The following SH3D19 variants were observed in gnomAD, a reference collection of about 807,000 sequenced individuals.
SH3D19 encodes SH3 domain-containing protein 19.
SH3D19 carries 58 observed loss-of-function variants against 112.1 expected under a neutral mutation model. The ratio of observed to expected loss-of-function variants is 0.52; its 90% CI spans 0.42 to 0.64. SH3D19 has a LOEUF of 0.64. Ranked by LOEUF, SH3D19 falls within the 30% of genes least tolerant of loss-of-function variation. The pLI is 0.00. For missense variants in SH3D19, 1,090 were observed against 1,263.4 expected (o/e 0.86, Z 2.08); for synonymous variants, 391 against 448.5 (o/e 0.87, Z 1.62).
At chr4:151,282,126 G>A in intron 1 of SH3D19, 3 of 1,611,440 alleles carry the variant, frequency 1.9e-6, no homozygotes, top group African/African-American at 1.3e-5. Context: ...CCATAAGCAG[G>A]CCTCCTTTCT....
At chr4:151,228,041 C>T (rs1580276238) in intron 1 of SH3D19, 2 of 985,398 alleles carry the variant, frequency 2.0e-6, no homozygotes, top group South Asian at 4.7e-5. Context: ...CACAGCTCTC[C>T]TTCGTTCTTG....
At chr4:151,165,291 G>C (rs185252233) in intron 8 of SH3D19, among the ~76,000 whole-genome samples, 2 of 152,122 alleles carry the variant, frequency 1.3e-5, no homozygotes, top group East Asian at 1.9e-4. Context: ...GCAGTGAGCT[G>C]AGATTGTGCC....
chr4:151,215,115 A>C (rs930208870), intron 2 of SH3D19, among the ~76,000 whole-genome samples: 2 of 152,114 alleles, frequency 1.3e-5, no homozygotes, highest in Non-Finnish European at 2.9e-5. Flanking sequence ...GCTAACTTTT[A>C]AATTTTATGT....
chr4:151,207,559 T>G (rs1765293746), intron 2 of SH3D19, among the ~76,000 whole-genome samples: 1 of 152,216 alleles, frequency 6.6e-6, no homozygotes, highest in Non-Finnish European at 1.5e-5. Context: ...TATCTTTTCT[T>G]CAGGTAGCCA....
At chr4:151,282,064 G>A in intron 1 of SH3D19, 1 of 1,423,756 alleles carries the variant, frequency 7.0e-7, no homozygotes, top group Non-Finnish European at 9.6e-7. Flanking sequence ...CTCCTTTCTT[G>A]AGTAGAGACT....
intron 7 of SH3D19, among the ~76,000 whole-genome samples, chr4:151,172,098 A>G (rs989671438): frequency 2.6e-5 from 4 of 152,172 alleles, no homozygotes; most frequent in Non-Finnish European, 5.9e-5. Flanking sequence ...ACGGAAGGGA[A>G]GAGTTATTTG....
intron 1 of SH3D19, among the ~76,000 whole-genome samples, chr4:151,311,996 GTATTA>G (rs1334708508): frequency 6.6e-6 from 1 of 151,922 alleles, no homozygotes; most frequent in Non-Finnish European, 1.5e-5. Flanking sequence ...TAATAATAAT[GTATTA>G]TATTTGAAAT....
At position 151,128,356 on chromosome 4, in the gene SH3D19, C is replaced by G; in HGVS notation, c.2743G>C (p.Val915Leu). The change falls in exon 18 of 20, where the codon GTT becomes CTT. Residue 915 changes from valine to leucine, a missense_variant and splice_region_variant. Coordinates refer to ENST00000604030, the MANE Select transcript of SH3D19 (RefSeq NM_001378122.1). ...KKEDSGSNSQ[V>L]NSLPAEWCEA... is the part of the protein sequence containing the mutation. The stretch of plus-strand genomic sequence containing the variant: ...CACCATTCTGCCGGAAGACTGTTAA[C>G]CTGTTATCAAATTAGAGGTGTGGTC... The G allele has an allele frequency of 1.2e-6, 2 of 1,611,854 alleles. No homozygotes were observed. Among genetic ancestry groups the G allele is most frequent in the Non-Finnish European group, 1.7e-6 (2 of 1,178,908 alleles).
chr4:151,236,244 A>G (rs1460809415), intron 1 of SH3D19, among the ~76,000 whole-genome samples: 1 of 152,228 alleles, frequency 6.6e-6, no homozygotes, highest in Non-Finnish European at 1.5e-5. Flanking sequence ...GAGAGGTGCA[A>G]GCGGGAGCCG....
chr4:151,280,064 G>T, intron 1 of SH3D19: 1 of 1,309,036 alleles, frequency 7.6e-7, no homozygotes, highest in Non-Finnish European at 1.1e-6. Flanking sequence ...TAGGCAGGGC[G>T]GAAGGAAACC....
At chr4:151,275,805 G>A (rs1773552616) in intron 1 of SH3D19, among the ~76,000 whole-genome samples, 7 of 151,604 alleles carry the variant, frequency 4.6e-5, no homozygotes, top group Admixed American at 2.6e-4. Context: ...ATAGGCGTAA[G>A]CTACCACGCC....
intron 1 of SH3D19, chr4:151,283,153 T>C (rs1561429346): frequency 6.2e-7 from 1 of 1,613,908 alleles, no homozygotes; most frequent in Non-Finnish European, 8.5e-7. Context: ...GAAGCAGAAG[T>C]ACCCATTATT....
intron 1 of SH3D19, among the ~76,000 whole-genome samples, chr4:151,297,803 G>A (rs1018104721): frequency 2.0e-5 from 3 of 152,176 alleles, no homozygotes; most frequent in Non-Finnish European, 2.9e-5. Flanking sequence ...CGTAGTAAAG[G>A]GGATTTTGCA....
chr4:151,201,892 A>T (rs1764440344), intron 2 of SH3D19, among the ~76,000 whole-genome samples: 1 of 151,746 alleles, frequency 6.6e-6, no homozygotes, highest in East Asian at 1.9e-4. Flanking sequence ...GCTACCTGTA[A>T]TCTCAGATAA....
chr4:151,125,113 A>G (rs1748909384), intron 19 of SH3D19, among the ~76,000 whole-genome samples: 1 of 152,128 alleles, frequency 6.6e-6, no homozygotes, highest in African/African-American at 2.4e-5. Context: ...TTAAAGGAAA[A>G]AAAGGGAACT....
At chr4:151,245,182 T>A (rs1214336613) in intron 1 of SH3D19, among the ~76,000 whole-genome samples, 1 of 150,968 alleles carries the variant, frequency 6.6e-6, no homozygotes, top group South Asian at 2.1e-4. Context: ...TAATAATAAT[T>A]AAGTTGCTTA....
chr4:151,185,415 A>C (rs1321940237), intron 3 of SH3D19, among the ~76,000 whole-genome samples: 2 of 152,130 alleles, frequency 1.3e-5, no homozygotes, highest in Non-Finnish European at 2.9e-5. Context: ...GGCTACTTCC[A>C]GGATTTTGCT....
chr4:151,127,675 C>G lies in SH3D19; in HGVS notation c.2970G>C (p.Arg990Ser), dbSNP rs1407030334. The G allele has an allele frequency of 6.2e-7, 1 of 1,605,782 alleles. No individual in the cohort carries two copies. The highest frequency in any genetic ancestry group is 8.5e-7 in the Non-Finnish European group (1 of 1,177,386). ...KSMLAIVPKG[R>S]KAKALYDFRG... ...GGAAATCATATAAGGCTTTGGCCTT[C>G]CTCCCCTTCGGTACTATGGCCAACA... is the stretch of plus-strand genomic sequence containing the variant. The change falls in exon 19 of 20, where the codon AGG becomes AGC. Residue 990 changes from arginine (R) to serine (S), a missense_variant. Physicochemically the swap from Arg to Ser is moderately radical, Grantham distance 110. Coordinates refer to ENST00000604030, the MANE Select transcript of SH3D19 (RefSeq NM_001378122.1).
At chr4:151,296,044 A>AAAAAAG (rs1383053821) in intron 1 of SH3D19, among the ~76,000 whole-genome samples, 27 of 150,952 alleles carry the variant, frequency 1.8e-4, no homozygotes, top group African/African-American at 5.4e-4. Flanking sequence ...CAAAAAAAAA[A>AAAAAAG]AAAGAAAGAA....
Sources: allele counts gnomAD v4.1 joint callset (sites outside exome capture counted in the v4.1 genomes callset), GRCh38; gene constraint gnomAD v4.1.1; transcripts MANE v1.5; gene names NCBI Gene and HGNC (gene_info 2026-07-23, HGNC 2026-07-21).